The following FGF14 variants were observed in gnomAD, a reference collection of about 807,000 sequenced individuals.
FGF14 encodes fibroblast growth factor homologous factor 4.
In FGF14, 5 loss-of-function variants were observed where a neutral mutation model predicts 25.5. The ratio of observed to expected loss-of-function variants is 0.20; its 90% CI spans 0.10 to 0.41. FGF14 has a LOEUF of 0.41. Among genes scored for constraint, FGF14 ranks in the 10% least tolerant of loss-of-function variants. FGF14 has a pLI of 1.00. For missense variants in FGF14, 222 were observed against 320.1 expected (o/e 0.69, Z 2.34); for synonymous variants, 138 against 118.3 (o/e 1.17, Z -1.08).
chr13:102,360,354 T>G (rs1333233313), intron 1 of FGF14, among the ~76,000 whole-genome samples: 1 of 152,174 alleles, frequency 6.6e-6, no homozygotes, highest in African/African-American at 2.4e-5. Flanking sequence ...CCCCAAAATG[T>G]GTGCTACTTA....
chr13:102,029,310 T>C (rs944501136), intron 1 of FGF14, among the ~76,000 whole-genome samples: 1 of 152,098 alleles, frequency 6.6e-6, no homozygotes, highest in African/African-American at 2.4e-5. Flanking sequence ...TAATATAACT[T>C]AGGATGCAAG....
At chr13:101,771,022 CTG>C (rs1028693810) in intron 3 of FGF14, among the ~76,000 whole-genome samples, 3 of 151,852 alleles carry the variant, frequency 2.0e-5, no homozygotes, top group Non-Finnish European at 4.4e-5. Flanking sequence ...TAAATTAAAA[CTG>C]TGTGAATATT....
intron 1 of FGF14, among the ~76,000 whole-genome samples, chr13:102,271,347 G>A (rs566480318): frequency 1.2e-4 from 18 of 151,840 alleles, no homozygotes; most frequent in African/African-American, 4.1e-4. Flanking sequence ...ATTCTGTCTC[G>A]TCCATTTGCC....
chr13:102,388,789 A>T (rs1462420637), intron 1 of FGF14, among the ~76,000 whole-genome samples: 1 of 152,130 alleles, frequency 6.6e-6, no homozygotes, highest in Non-Finnish European at 1.5e-5. Context: ...TATACAACCC[A>T]ATTATAATTG....
At chr13:102,235,372 C>T (rs1287389760) in intron 1 of FGF14, among the ~76,000 whole-genome samples, 1 of 152,086 alleles carries the variant, frequency 6.6e-6, no homozygotes, top group Non-Finnish European at 1.5e-5. Flanking sequence ...CAAATACAAT[C>T]ATTCACTGAA....
At chr13:102,065,022 C>G (rs2042844558) in intron 1 of FGF14, among the ~76,000 whole-genome samples, 1 of 152,006 alleles carries the variant, frequency 6.6e-6, no homozygotes, top group Non-Finnish European at 1.5e-5. Flanking sequence ...TAATGTCACT[C>G]TCTTTTCCAC....
upstream of FGF14, chr13:102,401,775 G>T: frequency 9.4e-7 from 1 of 1,064,380 alleles, no homozygotes; most frequent in Non-Finnish European, 1.4e-6. Flanking sequence ...TTTCGGCCAG[G>T]GTGAATGATT....
At chr13:102,087,078 C>G (rs918678211) in intron 1 of FGF14, among the ~76,000 whole-genome samples, 1 of 152,150 alleles carries the variant, frequency 6.6e-6, no homozygotes, top group African/African-American at 2.4e-5. Context: ...GTCAGAGGAA[C>G]ACAGAGATCC....
intron 1 of FGF14, among the ~76,000 whole-genome samples, chr13:102,132,178 C>T (rs543809660): frequency 1.3e-5 from 2 of 152,164 alleles, no homozygotes; most frequent in Admixed American, 6.5e-5. Context: ...CAGGGTCCAT[C>T]AGGGGAGAGG....
intron 1 of FGF14, among the ~76,000 whole-genome samples, chr13:102,349,078 A>T (rs901064882): frequency 2.0e-5 from 3 of 152,070 alleles, no homozygotes; most frequent in African/African-American, 7.2e-5. Flanking sequence ...TGATACTAGC[A>T]CCTATTGGGT....
chr13:101,933,904 T>G (rs2034930610), intron 1 of FGF14, among the ~76,000 whole-genome samples: 1 of 152,220 alleles, frequency 6.6e-6, no homozygotes, highest in Non-Finnish European at 1.5e-5. Context: ...TGACTGTGTA[T>G]GTTTTATATA....
chr13:102,152,517 G>T (rs985497766), intron 1 of FGF14, among the ~76,000 whole-genome samples: 1 of 152,164 alleles, frequency 6.6e-6, no homozygotes, highest in African/African-American at 2.4e-5. Context: ...GCCTACGCTG[G>T]TGACCTAATT....
At chr13:102,155,886 C>T (rs1273057158) in intron 1 of FGF14, among the ~76,000 whole-genome samples, 25 of 152,142 alleles carry the variant, frequency 1.6e-4, no homozygotes, top group Admixed American at 3.3e-4. Context: ...AACACCTCTA[C>T]ACAAATAAAC....
At chr13:101,978,884 C>G (rs1357053908) in intron 1 of FGF14, among the ~76,000 whole-genome samples, 1 of 152,198 alleles carries the variant, frequency 6.6e-6, no homozygotes, top group Non-Finnish European at 1.5e-5. Context: ...ACATATCACA[C>G]ACCACACCTG....
chr13:102,004,768 AC>A (rs1188774207), intron 1 of FGF14, among the ~76,000 whole-genome samples: 1 of 151,854 alleles, frequency 6.6e-6, no homozygotes, highest in African/African-American at 2.4e-5. Flanking sequence ...GGGGGCTGTA[AC>A]CCCCATGCTG....
chr13:102,043,162 C>T lies in FGF14; in HGVS notation c.209-167866G>A, dbSNP rs375780231. ...TTTTAATCTGTCATGTCCATTCATA[C>T]GCATATAATCCTTAAAACAACCTTG... On this transcript the variant is annotated intron_variant, in intron 1 of 4. Transcript: ENST00000376131. Among the ~76,000 whole-genome samples, 54 of 152,238 alleles carry T rather than the reference C, an allele frequency of 3.5e-4. 1 individual carries two copies. In the South Asian group the frequency reaches 3.9e-3, roughly 11 times the overall value.
intron 1 of FGF14, chr13:102,395,041 G>A (rs1483434263): frequency 6.6e-6 from 1 of 152,282 alleles, no homozygotes; most frequent in Non-Finnish European, 1.5e-5. Flanking sequence ...GCTCCAAAAA[G>A]GAGAAAGCCA....
intron 1 of FGF14, among the ~76,000 whole-genome samples, chr13:101,912,901 G>A (rs1450118487): frequency 6.6e-6 from 1 of 152,020 alleles, no homozygotes; most frequent in Non-Finnish European, 1.5e-5. Flanking sequence ...CCAGTGTATG[G>A]CAAACACTCT....
chr13:101,803,781 T>G (rs2041039278), intron 3 of FGF14, among the ~76,000 whole-genome samples: 1 of 152,154 alleles, frequency 6.6e-6, no homozygotes, highest in African/African-American at 2.4e-5. Context: ...CAGCAAACAC[T>G]GGAGGAAGCC....
Sources: allele counts gnomAD v4.1 joint callset (sites outside exome capture counted in the v4.1 genomes callset), GRCh38; gene constraint gnomAD v4.1.1; transcripts MANE v1.5; gene names NCBI Gene and HGNC (gene_info 2026-07-23, HGNC 2026-07-21).